The following IARS1 variants were observed in gnomAD, a reference collection of about 807,000 sequenced individuals.
IARS1 encodes the protein isoleucine--tRNA ligase, cytoplasmic.
A neutral mutation model predicts 168.2 loss-of-function variants in IARS1; 124 were observed. The ratio of observed to expected loss-of-function variants is 0.74; its 90% CI spans 0.64 to 0.86. IARS1 has a LOEUF of 0.86. IARS1 is among the 40% of genes least tolerant of loss of function. The pLI, the probability that IARS1 is intolerant of heterozygous loss-of-function variation, is 0.00. For missense variants in IARS1, 1,452 were observed against 1,515.8 expected (o/e 0.96, Z 0.70); for synonymous variants, 532 against 529.4 (o/e 1.00, Z -0.07).
intron 6 of IARS1, among the ~76,000 whole-genome samples, chr9:92,284,188 C>T (rs1227937626): frequency 6.6e-6 from 1 of 152,104 alleles, no homozygotes; most frequent in Non-Finnish European, 1.5e-5. Flanking sequence ...AAAACAACAA[C>T]AACAACAAAA....
intron 25 of IARS1, among the ~76,000 whole-genome samples, chr9:92,247,799 C>G (rs535712200): frequency 5.1e-4 from 77 of 152,266 alleles, no homozygotes; most frequent in Non-Finnish European, 8.1e-4. Flanking sequence ...AGGTGAAACA[C>G]GCCAGACATA....
intron 19 of IARS1, 111 bp from the exon 20 acceptor site, chr9:92,256,911 C>G (rs1830812526): frequency 1.0e-6 from 1 of 989,086 alleles, no homozygotes; most frequent in South Asian, 2.1e-5. Flanking sequence ...ATCCCAGACC[C>G]TACTGGCAAT....
chr9:92,239,960 T>G (rs993990846), intron 30 of IARS1, among the ~76,000 whole-genome samples: 1 of 152,190 alleles, frequency 6.6e-6, no homozygotes, highest in Non-Finnish European at 1.5e-5. Context: ...GGGAGCAGAA[T>G]TTTTGTTGAG....
chr9:92,236,524 G>A (rs1360090377), intron 30 of IARS1, among the ~76,000 whole-genome samples: 2 of 152,166 alleles, frequency 1.3e-5, no homozygotes, highest in Non-Finnish European at 2.9e-5. Context: ...TATTGTGTGA[G>A]TTGTAGTAGT....
intron 5 of IARS1, chr9:92,286,260 G>C (rs1398564025): frequency 6.3e-6 from 2 of 315,582 alleles, no homozygotes; most frequent in Non-Finnish European, 1.2e-5. Flanking sequence ...CCAGCTACTT[G>C]GGAGGCTGAA....
intron 16 of IARS1, 123 bp downstream of exon 16, chr9:92,264,806 T>C: frequency 3.6e-6 from 3 of 830,960 alleles, no homozygotes; most frequent in East Asian, 2.7e-5. Context: ...GGCAGGAATG[T>C]AGCCTGTCTT....
At chr9:92,267,620 A>C (rs1832463107) in intron 14 of IARS1, among the ~76,000 whole-genome samples, 1 of 152,140 alleles carries the variant, frequency 6.6e-6, no homozygotes. Context: ...TGGCCTCCCT[A>C]AGTGCTGCGA....
Position 92,278,182 on chromosome 9 carries a change from A to C in IARS1, c.833+17T>G. The C allele has an allele frequency of 6.9e-7, 1 of 1,456,880 alleles. No individual in the cohort carries two copies. The highest frequency in any genetic ancestry group is 9.6e-7 in the Non-Finnish European group (1 of 1,036,674). 90.2% of individuals were successfully genotyped at this position (1,456,880 alleles called of 1,614,324 possible). ...GACACATGCACACAAACACAGAGCA[A>C]CTATTTGAATATTCACCTTTCAAGG... is the stretch of plus-strand genomic sequence containing the variant. On this transcript the variant is annotated intron_variant, in intron 8 of 33. Coordinates refer to ENST00000443024, the MANE Select transcript of IARS1 (RefSeq NM_002161.6).
At chr9:92,217,686 A>C (rs1384670250) in intron 33 of IARS1, among the ~76,000 whole-genome samples, 7 of 152,280 alleles carry the variant, frequency 4.6e-5, no homozygotes, top group East Asian at 1.9e-4. Flanking sequence ...GAAATGGATA[A>C]ATTCCTCGAC....
At chr9:92,277,981 C>T (rs1212235385) in intron 8 of IARS1, 58 bp from the exon 9 acceptor site, 7 of 1,495,580 alleles carry the variant, frequency 4.7e-6, no homozygotes, top group Non-Finnish European at 6.5e-6. Context: ...GAGGCTGCAG[C>T]CACATCAAGC....
intron 6 of IARS1, among the ~76,000 whole-genome samples, chr9:92,283,829 T>C (rs1009876009): frequency 1.8e-4 from 27 of 152,150 alleles, no homozygotes; most frequent in African/African-American, 6.5e-4. Context: ...ATTAAACCAT[T>C]AGAAATATGA....
rs781282401 is a variant in IARS1 at position 92,271,012 on chromosome 9, A to C, written c.1178T>G (p.Phe393Cys). The stretch of plus-strand genomic sequence containing the variant: ...CCAGCAAAAAGGGTAGCTGTGAGTG[A>C]AGGTGGTGGCAACCAGAAGTCGGCC... ...EQGRLLVATT[F>C]THSYPFCWRS... Residue 393 changes from phenylalanine to cysteine, a missense_variant, in exon 12 of 34, where the codon TTC becomes TGC. Phe to Cys is a radical substitution (Grantham distance 205). Coordinates refer to ENST00000443024, the MANE Select transcript of IARS1 (RefSeq NM_002161.6). 1 of 1,612,220 alleles carries C rather than the reference A, an allele frequency of 6.2e-7. No homozygotes were observed.
intron 22 of IARS1, chr9:92,251,121 A>G: frequency 2.1e-6 from 1 of 487,188 alleles, no homozygotes; most frequent in South Asian, 1.5e-5. Flanking sequence ...ATATGCACAG[A>G]AGACTGACTG....
At chr9:92,269,049 C>T (rs72750449) in intron 13 of IARS1, among the ~76,000 whole-genome samples, 1 of 152,044 alleles carries the variant, frequency 6.6e-6, no homozygotes, top group Non-Finnish European at 1.5e-5. Context: ...TGCACCCCCT[C>T]GAGGCTATCT....
Position 92,222,679 on chromosome 9 carries a change from A to G in IARS1, c.3554-7T>C. 6.2e-7 allele frequency: 1 copy of G among 1,613,548 alleles called. No homozygotes were observed. The highest frequency in any genetic ancestry group is 8.5e-7 in the Non-Finnish European group (1 of 1,179,772). On this transcript the variant is annotated splice_region_variant and splice_polypyrimidine_tract_variant and intron_variant, in intron 32 of 33. Transcript: ENST00000443024. ...ACTGTCCCCATTAAACACTCTGTGG[A>G]AGACAGAACAAACTGGATTAAATCT...
intron 27 of IARS1, among the ~76,000 whole-genome samples, chr9:92,243,713 C>T (rs1828780689): frequency 6.6e-6 from 1 of 152,150 alleles, no homozygotes; most frequent in Admixed American, 6.5e-5. Flanking sequence ...AGTGGATCAA[C>T]GGCCTCAGCG....
intron 1 of IARS1, chr9:92,292,477 G>A (rs1399812702): frequency 1.3e-5 from 2 of 155,312 alleles, no homozygotes; most frequent in Middle Eastern, 5.2e-4. Context: ...ACCAGCGACC[G>A]GGCTATGGCA....
intron 1 of IARS1, chr9:92,293,398 A>G (rs368691138): frequency 1.5e-4 from 79 of 526,470 alleles, no homozygotes; most frequent in Non-Finnish European, 2.8e-4. Flanking sequence ...AATTTATACT[A>G]TGTATATCAT....
At chr9:92,244,246 T>G (rs1828858443) in intron 27 of IARS1, among the ~76,000 whole-genome samples, 1 of 152,192 alleles carries the variant, frequency 6.6e-6, no homozygotes, top group South Asian at 2.1e-4. Context: ...CTTTCCCAGC[T>G]ACGATACCTC....
Sources: allele counts gnomAD v4.1 joint callset (sites outside exome capture counted in the v4.1 genomes callset), GRCh38; gene constraint gnomAD v4.1.1; transcripts MANE v1.5; gene names NCBI Gene and HGNC (gene_info 2026-07-23, HGNC 2026-07-21).